The following NTN1 variants were observed in gnomAD, a reference collection of about 807,000 sequenced individuals.
NTN1 encodes netrin 1.
NTN1 carries 11 observed loss-of-function variants against 54.2 expected under a neutral mutation model. The observed-to-expected ratio is 0.20, with a 90% confidence interval of 0.13 to 0.34. The LOEUF is 0.34. Among genes scored for constraint, NTN1 ranks in the 10% least tolerant of loss-of-function variants. The probability of loss-of-function intolerance (pLI) is 1.00; values close to 1 mark genes in which losing one functional copy is unlikely to be tolerated. For synonymous variants in NTN1, 371 were observed against 382.0 expected (o/e 0.97, Z 0.33); for missense variants, 740 against 893.1 (o/e 0.83, Z 2.18).
intron 2 of NTN1, among the ~76,000 whole-genome samples, chr17:9,081,869 A>G (rs74666304): frequency 2.9e-4 from 44 of 152,284 alleles, no homozygotes; most frequent in East Asian, 1.5e-3. Flanking sequence ...TTAACCTTAC[A>G]TAAGGCCTGG....
intron 2 of NTN1, among the ~76,000 whole-genome samples, chr17:9,114,422 A>G (rs1330078900): frequency 1.3e-5 from 2 of 150,132 alleles, no homozygotes; most frequent in African/African-American, 2.4e-5. Context: ...TTTTGCAAAA[A>G]AATATATTGA....
the NTN1 span, among the ~76,000 whole-genome samples, chr17:9,011,875 A>G: frequency 6.6e-6 from 1 of 152,174 alleles, no homozygotes; most frequent in East Asian, 1.9e-4. Context: ...GGTGTGAGAC[A>G]CTGCGCCTGG....
intron 2 of NTN1, among the ~76,000 whole-genome samples, chr17:9,117,367 T>C (rs2092216885): frequency 6.6e-6 from 1 of 152,126 alleles, no homozygotes; most frequent in Non-Finnish European, 1.5e-5. Flanking sequence ...ACACCAGTAG[T>C]TGGGCTTGCG....
chr17:9,106,675 G>C (rs1489170024), intron 2 of NTN1, among the ~76,000 whole-genome samples: 4 of 151,946 alleles, frequency 2.6e-5, no homozygotes, highest in Non-Finnish European at 5.9e-5. Flanking sequence ...CACCATGCCC[G>C]GCTAATTTTT....
intron 2 of NTN1, among the ~76,000 whole-genome samples, chr17:9,078,808 G>A (rs973591938): frequency 2.0e-5 from 3 of 152,196 alleles, no homozygotes; most frequent in Admixed American, 2.0e-4. Flanking sequence ...AGTGAGTCAG[G>A]CAGACAAAAA....
chr17:9,157,791 C>A (rs539915556), intron 2 of NTN1, among the ~76,000 whole-genome samples: 1 of 152,364 alleles, frequency 6.6e-6, no homozygotes, highest in Admixed American at 6.5e-5. Flanking sequence ...AGTGTCTCTG[C>A]CACCCCCAAC....
intron 2 of NTN1, among the ~76,000 whole-genome samples, chr17:9,122,235 C>T (rs1371477565): frequency 1.3e-5 from 2 of 152,088 alleles, no homozygotes; most frequent in Non-Finnish European, 2.9e-5. Flanking sequence ...GGGGTTTCAC[C>T]GTGTTAGCCA....
chr17:9,218,531 T>C (rs891847839), intron 5 of NTN1, among the ~76,000 whole-genome samples: 1 of 152,148 alleles, frequency 6.6e-6, no homozygotes, highest in Non-Finnish European at 1.5e-5. Context: ...CTGTCCCAGG[T>C]AGACACTTGG....
chr17:9,145,424 C>T (rs1296621028), intron 2 of NTN1, among the ~76,000 whole-genome samples: 1 of 152,244 alleles, frequency 6.6e-6, no homozygotes, highest in Admixed American at 6.5e-5. Flanking sequence ...ACAAAACCAA[C>T]TGAGTCACAG....
intron 3 of NTN1, among the ~76,000 whole-genome samples, chr17:9,164,530 G>A (rs60539189): frequency 1.3e-5 from 2 of 152,110 alleles, no homozygotes; most frequent in Non-Finnish European, 2.9e-5. Context: ...AAGGACAGCA[G>A]AGTTTCAACC....
At chr17:9,025,174 A>C (rs2091865937) in intron 2 of NTN1, among the ~76,000 whole-genome samples, 1 of 152,216 alleles carries the variant, frequency 6.6e-6, no homozygotes, top group Non-Finnish European at 1.5e-5. Context: ...TCTGGCTTGA[A>C]GATTTGCCTT....
At chr17:9,099,847 C>T (rs2092144038) in intron 2 of NTN1, among the ~76,000 whole-genome samples, 1 of 152,110 alleles carries the variant, frequency 6.6e-6, no homozygotes, top group South Asian at 2.1e-4. Context: ...AATTAAATCA[C>T]CTTTTTCTGA....
intron 5 of NTN1, among the ~76,000 whole-genome samples, chr17:9,210,444 C>CCA (rs71135952): frequency 0.021 from 2,070 of 100,948 alleles, 26 homozygotes; most frequent in South Asian, 0.04. Flanking sequence ...ACCCCCACAC[C>CCA]CACACACACA....
chr17:9,167,168 G>C (rs750308981), intron 3 of NTN1, among the ~76,000 whole-genome samples: 3 of 152,138 alleles, frequency 2.0e-5, no homozygotes, highest in Non-Finnish European at 4.4e-5. Context: ...GCAAGCTGTT[G>C]TCCTATACAA....
intron 5 of NTN1, among the ~76,000 whole-genome samples, chr17:9,210,492 G>T (rs1321415827): frequency 6.6e-6 from 1 of 151,816 alleles, no homozygotes; most frequent in Admixed American, 6.6e-5. Flanking sequence ...CTGGGGAGGG[G>T]GTAGCACTTC....
intron 2 of NTN1, among the ~76,000 whole-genome samples, chr17:9,107,477 T>C (rs12942459): frequency 0.52 from 79,310 of 152,058 alleles, 21,414 homozygotes; most frequent in East Asian, 0.94. Flanking sequence ...GAAAAAAAGT[T>C]TGGGGGTGCG....
chr17:9,008,476 C>A, the NTN1 span, among the ~76,000 whole-genome samples: 5 of 151,744 alleles, frequency 3.3e-5, no homozygotes, highest in Non-Finnish European at 7.4e-5. Flanking sequence ...TGTGTCACCA[C>A]GCCCAGCTGA....
At position 9,212,827 on chromosome 17, in the gene NTN1, G is replaced by A. The variant is rs1597541166; in HGVS notation, c.1412-8341G>A. ...CGAGTGGGCCAGGGCTGCTGAGAGC[G>A]AGACCTTTGCCAGCTCCCCGCCCTG... is the stretch of plus-strand genomic sequence containing the variant. On this transcript the variant is annotated intron_variant, in intron 5 of 6. Transcript: ENST00000173229. This position sits in a 1 kb window ranked among gnomAD's most constrained non-coding sequence, Gnocchi z 5.5. Among the ~76,000 whole-genome samples, 1 of 152,224 alleles carries A rather than the reference G, an allele frequency of 6.6e-6. No homozygotes were observed. Among genetic ancestry groups the A allele is most frequent in the South Asian group, 2.1e-4 (1 of 4,838 alleles).
At chr17:9,160,958 GAACAA>G (rs543041414) in intron 2 of NTN1, among the ~76,000 whole-genome samples, 4 of 152,040 alleles carry the variant, frequency 2.6e-5, no homozygotes, top group Admixed American at 6.6e-5. Flanking sequence ...ACCCTGCCTC[GAACAA>G]AACAAAACAA....
Sources: gnomAD v4.1 joint callset for allele counts (sites outside exome capture counted in the v4.1 genomes callset) on GRCh38, gnomAD v4.1.1 for gene constraint, Gnocchi (gnomAD v3.1) non-coding constraint, MANE v1.5 for transcripts, NCBI Gene and HGNC (gene_info 2026-07-23, HGNC 2026-07-21) for gene names.